SLCO1A2: variants seen among roughly 807,000 people sequenced by gnomAD.
SLCO1A2 encodes solute carrier organic anion transporter family member 1A2, also known as OATP-1.
In SLCO1A2, 67 loss-of-function variants were observed where a neutral mutation model predicts 69.0. That is an observed-to-expected ratio of 0.97 (90% CI 0.80 to 1.19). SLCO1A2 has a LOEUF of 1.19. SLCO1A2 is among the 50% of genes most tolerant of loss of function. SLCO1A2 has a pLI of 0.00. For synonymous variants in SLCO1A2, 260 were observed against 265.9 expected, an observed-to-expected ratio of 0.98 and a Z score of 0.22; for missense variants, 787 against 793.7, an observed-to-expected ratio of 0.99 and a Z score of 0.10.
intron 4 of SLCO1A2, among the ~76,000 whole-genome samples, chr12:21,309,687 T>G (rs886707456): frequency 1.3e-5 from 2 of 152,200 alleles, no homozygotes; most frequent in African/African-American, 4.8e-5. Flanking sequence ...TACTAGATTA[T>G]TTCCTTCACA....
intron 1 of SLCO1A2, among the ~76,000 whole-genome samples, chr12:21,383,070 T>TA (rs1940688959): frequency 6.6e-6 from 1 of 152,214 alleles, no homozygotes; most frequent in South Asian, 2.1e-4. Context: ...CTAAAATAGT[T>TA]ATTCACTTTG....
At chr12:21,409,708 A>T (rs1693043213) in intron 1 of SLCO1A2, among the ~76,000 whole-genome samples, 2 of 152,166 alleles carry the variant, frequency 1.3e-5, no homozygotes, top group East Asian at 3.8e-4. Context: ...GTCTATGGTG[A>T]CACATCTACC....
chr12:21,402,481 GCATA>G (rs923603683), intron 1 of SLCO1A2, among the ~76,000 whole-genome samples: 3 of 152,010 alleles, frequency 2.0e-5, no homozygotes, highest in African/African-American at 4.8e-5. Context: ...CCTTATTTTT[GCATA>G]CAGTTAATTA....
At chr12:21,408,951 T>A (rs1941866203) in intron 1 of SLCO1A2, among the ~76,000 whole-genome samples, 1 of 152,176 alleles carries the variant, frequency 6.6e-6, no homozygotes, top group South Asian at 2.1e-4. Flanking sequence ...ACTTTCAAAT[T>A]GTGCCAAACT....
At chr12:21,336,920 A>C (rs148279841), upstream of SLCO1A2, among the ~76,000 whole-genome samples, 14 of 152,142 alleles carry the variant, frequency 9.2e-5, no homozygotes, top group African/African-American at 3.1e-4. Flanking sequence ...AGTTTTATTA[A>C]GTGGAGAATC....
intron 1 of SLCO1A2, among the ~76,000 whole-genome samples, chr12:21,375,818 A>T (rs955745191): frequency 2.0e-5 from 3 of 152,178 alleles, no homozygotes; most frequent in African/African-American, 7.2e-5. Flanking sequence ...TAAAGTCAAG[A>T]ATTTCCATGT....
At chr12:21,328,557 T>C (rs1952407130) in intron 2 of SLCO1A2, among the ~76,000 whole-genome samples, 1 of 152,072 alleles carries the variant, frequency 6.6e-6, no homozygotes, top group African/African-American at 2.4e-5. Flanking sequence ...CGTGAGCAGG[T>C]AGAGGTGGTG....
chr12:21,338,590 G>A (rs1032163405), upstream of SLCO1A2, among the ~76,000 whole-genome samples: 2 of 151,910 alleles, frequency 1.3e-5, no homozygotes, highest in African/African-American at 4.8e-5. Flanking sequence ...TCCTATCGCA[G>A]TAGTCCCTTA....
At chr12:21,366,271 C>T (rs369878997) in intron 2 of SLCO1A2, among the ~76,000 whole-genome samples, 2 of 152,076 alleles carry the variant, frequency 1.3e-5, no homozygotes, top group South Asian at 4.2e-4. Context: ...AAGCTGGAAA[C>T]CATCATTCTG....
At chr12:21,361,709 T>C (rs1938904775) in intron 2 of SLCO1A2, among the ~76,000 whole-genome samples, 1 of 152,142 alleles carries the variant, frequency 6.6e-6, no homozygotes. Flanking sequence ...AATGACCTGA[T>C]GGAGCTGAAA....
At chr12:21,271,632 A>T (rs1942859545) in intron 14 of SLCO1A2, among the ~76,000 whole-genome samples, 1 of 148,738 alleles carries the variant, frequency 6.7e-6, no homozygotes, top group African/African-American at 2.4e-5. Flanking sequence ...TAAATGTATA[A>T]ATATATACAT....
chr12:21,295,819 A>G, intron 9 of SLCO1A2, 27 bp from the exon 10 acceptor site: 2 of 1,263,422 alleles, frequency 1.6e-6, no homozygotes, highest in Non-Finnish European at 2.3e-6. Context: ...AATATTATTT[A>G]CAAAATGACT....
chr12:21,276,528 T>A (rs1322176024), intron 12 of SLCO1A2, among the ~76,000 whole-genome samples: 2 of 136,680 alleles, frequency 1.5e-5, no homozygotes, highest in East Asian at 2.3e-4. Flanking sequence ...ACACCAAATT[T>A]AACAACTATC....
At chr12:21,412,167 G>T (rs1941917499) in intron 1 of SLCO1A2, among the ~76,000 whole-genome samples, 1 of 152,152 alleles carries the variant, frequency 6.6e-6, no homozygotes, top group Non-Finnish European at 1.5e-5. Flanking sequence ...GATCACCTGA[G>T]GTCAGGAGTT....
rs1942048050 is a variant in SLCO1A2 at position 21,266,211 on chromosome 12, T to G, written c.*3337A>C. On this transcript the variant is annotated 3_prime_UTR_variant, in exon 15 of 15. Transcript: ENST00000683939. Reference sequence around the variant, plus strand: ...TTCAAGCTTTTGGTTACAAAACATTTCGAGCTTTTCTTTAATTACTTAGTC... The same window carrying G: ...TTCAAGCTTTTGGTTACAAAACATTGCGAGCTTTTCTTTAATTACTTAGTC... 1.3e-5 allele frequency: 2 copies of G among 152,188 alleles called. No individual in the cohort carries two copies. Among genetic ancestry groups the G allele is most frequent in the Non-Finnish European group, 2.9e-5 (2 of 68,032 alleles). The allele number at this position is 152,188 out of a possible 1,614,324, so 9.4% of individuals were successfully genotyped here. A position where few individuals can be genotyped will look rare whatever the true frequency, so the allele number is the denominator to read the frequency against.
intron 2 of SLCO1A2, among the ~76,000 whole-genome samples, chr12:21,363,073 C>G (rs927748724): frequency 6.6e-6 from 1 of 152,206 alleles, no homozygotes; most frequent in African/African-American, 2.4e-5. Flanking sequence ...ACTCTCCACC[C>G]CAAAACAACA....
intron 1 of SLCO1A2, among the ~76,000 whole-genome samples, chr12:21,394,548 A>AATACACGCAC (rs1449029245): frequency 9.5e-6 from 1 of 104,768 alleles, no homozygotes; most frequent in Non-Finnish European, 2.1e-5. Context: ...TCTCAAAAAT[A>AATACACGCAC]ACACACGCAC....
In SLCO1A2 at chr12:21,279,524, C is replaced by T. The variant is rs187931016; in HGVS notation, c.1611-4100G>A. 2.6e-3 allele frequency among the ~76,000 whole-genome samples: 401 copies of T among 152,240 alleles called. 4 individuals are homozygous for T. Among genetic ancestry groups the T allele is most frequent in the African/African-American group, 8.3e-3 (345 of 41,558 alleles). Reference sequence around the variant, plus strand: ...TGGCAGCAGACTTTTCGGTGGAAACCTTACAGGCCAAGAGAGAGTGGCATG... The same window carrying T: ...TGGCAGCAGACTTTTCGGTGGAAACTTTACAGGCCAAGAGAGAGTGGCATG... On this transcript the variant is annotated intron_variant, in intron 12 of 14. Coordinates refer to ENST00000683939, the MANE Select transcript of SLCO1A2 (RefSeq NM_001386879.1).
At chr12:21,401,225 A>T (rs1388555337) in intron 1 of SLCO1A2, among the ~76,000 whole-genome samples, 3 of 151,914 alleles carry the variant, frequency 2.0e-5, no homozygotes, top group African/African-American at 7.2e-5. Flanking sequence ...TAAATCACAA[A>T]AAAGTTCCTA....
Sources: allele counts gnomAD v4.1 joint callset (sites outside exome capture counted in the v4.1 genomes callset), GRCh38; gene constraint gnomAD v4.1.1; transcripts MANE v1.5; gene names NCBI Gene and HGNC (gene_info 2026-07-23, HGNC 2026-07-21).